Variants in NDUFS4 observed in about 807,000 individuals in gnomAD.
NDUFS4 encodes the protein NADH:ubiquinone oxidoreductase subunit S4.
In NDUFS4, 28 loss-of-function variants were observed where a neutral mutation model predicts 24.3. The observed-to-expected ratio is 1.15, with a 90% CI of 0.85 to 1.58. The LOEUF (loss-of-function observed/expected upper bound fraction) is 1.58. Ranked by LOEUF, NDUFS4 falls within the 40% of genes most tolerant of loss-of-function variation. The probability of loss-of-function intolerance (pLI) is 0.00; values close to 1 mark genes in which losing one functional copy is unlikely to be tolerated. For missense variants in NDUFS4, 223 were observed against 207.9 expected (o/e 1.07, Z -0.45); for synonymous variants, 93 against 69.7 (o/e 1.34, Z -1.67).
chr5:53,560,786 C>G, intron 1 of NDUFS4, 26 bp downstream of exon 1: 1 of 1,613,928 alleles, frequency 6.2e-7, no homozygotes, highest in Non-Finnish European at 8.5e-7. Context: ...CACTTTTCTT[C>G]AAGCTTCTTG....
intron 1 of NDUFS4, among the ~76,000 whole-genome samples, chr5:53,602,840 GGAGT>G (rs1750368124): frequency 6.6e-6 from 1 of 152,106 alleles, no homozygotes; most frequent in Admixed American, 6.5e-5. Flanking sequence ...TTAAGTAATT[GGAGT>G]GAGAGTAGGA....
rs973962079 is a variant in NDUFS4, at chr5:53,669,685, T to G, written c.424+11061T>G. Among the ~76,000 whole-genome samples, 5 of 152,174 alleles carry G rather than the reference T, an allele frequency of 3.3e-5. No individual in the cohort carries two copies. In the East Asian group the frequency reaches 9.6e-4, roughly 29 times the overall value. Reference sequence around the variant, plus strand: ...ATGTCAGCGCTGTATGGCTAGGCTCTGGGGATAAATAAGGCATAGTTCTTA... The same window carrying G: ...ATGTCAGCGCTGTATGGCTAGGCTCGGGGGATAAATAAGGCATAGTTCTTA... On this transcript the variant is annotated intron_variant, in intron 4 of 4. Coordinates refer to ENST00000296684, the MANE Select transcript of NDUFS4 (RefSeq NM_002495.4).
chr5:53,682,484 C>T (rs1740698797), intron 4 of NDUFS4, among the ~76,000 whole-genome samples: 1 of 151,726 alleles, frequency 6.6e-6, no homozygotes, highest in Admixed American at 6.6e-5. Context: ...AATTTGCGCT[C>T]TTTATCAGGT....
chr5:53,572,435 A>G (rs1749240942), intron 1 of NDUFS4, among the ~76,000 whole-genome samples: 1 of 151,898 alleles, frequency 6.6e-6, no homozygotes, highest in African/African-American at 2.4e-5. Context: ...CATGTCCTGA[A>G]CTCTACCAAT....
intron 1 of NDUFS4, among the ~76,000 whole-genome samples, chr5:53,566,307 A>G (rs1292488969): frequency 1.3e-5 from 2 of 152,238 alleles, no homozygotes; most frequent in South Asian, 2.1e-4. Context: ...TGTACTGAAT[A>G]CAAACAATTT....
At chr5:53,638,655 G>A (rs968961804) in intron 2 of NDUFS4, among the ~76,000 whole-genome samples, 1 of 151,884 alleles carries the variant, frequency 6.6e-6, no homozygotes. Context: ...CATGATATGA[G>A]TTTACCTATA....
intron 2 of NDUFS4, among the ~76,000 whole-genome samples, chr5:53,639,697 T>G (rs891590519): frequency 6.6e-6 from 1 of 152,156 alleles, no homozygotes; most frequent in Non-Finnish European, 1.5e-5. Context: ...CATCATTTTA[T>G]TTTTCTTGTT....
chr5:53,623,392 TGTTTATTTGCC>T (rs2112480679), intron 2 of NDUFS4, among the ~76,000 whole-genome samples: 1 of 152,340 alleles, frequency 6.6e-6, no homozygotes, highest in African/African-American at 2.4e-5. Context: ...TCTTTTTGTG[TGTTTATTTGCC>T]GTTTATGTAT....
In NDUFS4 at chr5:53,603,486, G is replaced by A; in HGVS notation, c.133G>A (p.Asp45Asn). The A allele has an allele frequency of 6.2e-7, 1 of 1,613,808 alleles. No individual in the cohort carries two copies. Among genetic ancestry groups the A allele is most frequent in the Non-Finnish European group, 8.5e-7 (1 of 1,179,948 alleles). The change falls in exon 2 of 5, where the codon GAC (aspartate) becomes AAC (asparagine). Residue 45 changes from aspartate to asparagine, a missense_variant. Coordinates refer to ENST00000296684, the MANE Select transcript of NDUFS4 (RefSeq NM_002495.4). ...LRTSTWRLAQ[D>N]QTQDTQLITV... ...GACTTCCACATGGAGATTGGCACAG[G>A]ACCAGACTCAAGACACACAACTCAT...
chr5:53,602,732 GA>G (rs1358411457), intron 1 of NDUFS4, among the ~76,000 whole-genome samples: 66 of 152,094 alleles, frequency 4.3e-4, no homozygotes, highest in Admixed American at 3.7e-3. Context: ...TAATAGTTTG[GA>G]AAACTCTTAA....
chr5:53,604,618 C>T (rs1750438698), intron 2 of NDUFS4: 3 of 380,712 alleles, frequency 7.9e-6, no homozygotes, highest in Admixed American at 3.3e-5. Context: ...GGTATTGTCA[C>T]CCTCTTTTCG....
intron 2 of NDUFS4, among the ~76,000 whole-genome samples, chr5:53,616,941 A>G (rs1750857478): frequency 6.6e-6 from 1 of 152,070 alleles, no homozygotes. Context: ...TTTTTTTTCT[A>G]TTAAAGAATC....
At chr5:53,657,158 C>T (rs1230186208) in intron 3 of NDUFS4, among the ~76,000 whole-genome samples, 2 of 152,152 alleles carry the variant, frequency 1.3e-5, no homozygotes, top group Admixed American at 6.5e-5. Context: ...ATGTGCCTGT[C>T]AACACTTATC....
At chr5:53,662,648 TATTA>T (rs1367162836) in intron 4 of NDUFS4, among the ~76,000 whole-genome samples, 2 of 152,282 alleles carry the variant, frequency 1.3e-5, no homozygotes, top group East Asian at 3.9e-4. Flanking sequence ...GTTGGTAATC[TATTA>T]ATTATTGCCT....
At chr5:53,632,244 T>C (rs1751430838) in intron 2 of NDUFS4, among the ~76,000 whole-genome samples, 1 of 152,218 alleles carries the variant, frequency 6.6e-6, no homozygotes, top group Non-Finnish European at 1.5e-5. Flanking sequence ...GATTTTACTG[T>C]CTTCCTTTAT....
chr5:53,648,747 T>C (rs1751933890), intron 3 of NDUFS4, among the ~76,000 whole-genome samples: 1 of 152,154 alleles, frequency 6.6e-6, no homozygotes, highest in Non-Finnish European at 1.5e-5. Flanking sequence ...AGGACTGCCC[T>C]CCTTTGCAAC....
chr5:53,652,129 G>T (rs1053729006), intron 3 of NDUFS4, among the ~76,000 whole-genome samples: 3 of 152,132 alleles, frequency 2.0e-5, no homozygotes, highest in Admixed American at 1.3e-4. Context: ...TGATGGAATG[G>T]CTTGGAGGGT....
At chr5:53,672,160 T>G (rs1284431439) in intron 4 of NDUFS4, among the ~76,000 whole-genome samples, 4 of 151,948 alleles carry the variant, frequency 2.6e-5, no homozygotes, top group Non-Finnish European at 5.9e-5. Flanking sequence ...ATCAGTAAGG[T>G]CTGGGCTTCC....
Position 53,625,579 on chromosome 5 carries a change from C to A in NDUFS4, c.178-20654C>A, listed in dbSNP as rs146537782. ...CTATGTAGTGCAATTTGGTTAGTTT[C>A]TATTGTCCTGTCTTCAAATTTACTG... On this transcript the variant is annotated intron_variant, in intron 2 of 4. Coordinates refer to ENST00000296684, the MANE Select transcript of NDUFS4 (RefSeq NM_002495.4). Among the ~76,000 whole-genome samples, 225 of 152,234 alleles carry A rather than the reference C, an allele frequency of 1.5e-3. 1 individual carries two copies. Among genetic ancestry groups the A allele is most frequent in the African/African-American group, 4.9e-3 (204 of 41,566 alleles).
Sources: allele counts gnomAD v4.1 joint callset (sites outside exome capture counted in the v4.1 genomes callset), GRCh38; gene constraint gnomAD v4.1.1; transcripts MANE v1.5; gene names NCBI Gene and HGNC (gene_info 2026-07-23, HGNC 2026-07-21).